The following CCBE1 variants were observed in gnomAD, a reference collection of about 807,000 sequenced individuals.
CCBE1 encodes the protein collagen and calcium binding EGF domains 1.
CCBE1 carries 37 observed loss-of-function variants against 50.0 expected under a neutral mutation model. The observed-to-expected ratio is 0.74, with a 90% CI of 0.57 to 0.97. CCBE1 has a LOEUF of 0.97. Among genes scored for constraint, CCBE1 ranks in the 50% least tolerant of loss-of-function variants. The pLI, the probability that CCBE1 is intolerant of heterozygous loss-of-function variation, is 0.00. For synonymous variants in CCBE1, 234 were observed against 203.7 expected, an observed-to-expected ratio of 1.15 and a Z score of -1.27; for missense variants, 538 against 523.8, an observed-to-expected ratio of 1.03 and a Z score of -0.26.
At chr18:59,568,051 G>A (rs116101833) in intron 2 of CCBE1, 2 of 152,150 alleles carry the variant, frequency 1.3e-5, no homozygotes, top group South Asian at 2.1e-4. Context: ...AGAGAACCAC[G>A]GTTAGGAGAA....
intron 2 of CCBE1, among the ~76,000 whole-genome samples, chr18:59,541,473 C>T (rs1265234582): frequency 6.6e-6 from 1 of 152,186 alleles, no homozygotes; most frequent in African/African-American, 2.4e-5. Flanking sequence ...TAAGGACAGG[C>T]ACTTCAAATA....
At chr18:59,514,296 A>G (rs746593734) in intron 2 of CCBE1, among the ~76,000 whole-genome samples, 21 of 152,168 alleles carry the variant, frequency 1.4e-4, no homozygotes, top group Non-Finnish European at 2.8e-4. Context: ...GTGGCGTTTA[A>G]TAAGTGCTGA....
rs192262609 is a variant in CCBE1, at chr18:59,655,098, A to G, written c.212+41531T>C. Among the ~76,000 whole-genome samples, 235 of 151,790 alleles carry G rather than the reference A, an allele frequency of 1.5e-3. 2 individuals carry two copies. The South Asian group carries it at 0.027, about 18-fold the overall frequency. On this transcript the variant is annotated intron_variant, in intron 2 of 10. Transcript: ENST00000439986. ...CTGAGACTATGTCAAAAAAAAAAAA[A>G]AAGCCCAGAGAAAACCTCAACAGCC...
At chr18:59,441,234 G>A (rs2143624832) in intron 7 of CCBE1, among the ~76,000 whole-genome samples, 1 of 152,344 alleles carries the variant, frequency 6.6e-6, no homozygotes, top group South Asian at 2.1e-4. Flanking sequence ...AAAGGGCTGG[G>A]CACAGTGGCT....
At chr18:59,676,158 G>C (rs2054499071) in intron 2 of CCBE1, among the ~76,000 whole-genome samples, 1 of 152,240 alleles carries the variant, frequency 6.6e-6, no homozygotes, top group South Asian at 2.1e-4. Flanking sequence ...ACAATTCCTA[G>C]CAAGTTCACC....
rs545349592 is a variant in CCBE1 at position 59,498,932 on chromosome 18, G to A, written c.213-18694C>T. On this transcript the variant is annotated intron_variant, in intron 2 of 10. Transcript: ENST00000439986. ...CTCCTGATAAACCCTAAGGCCAAGTGGCTCTCGGAATTTGGAGAGAACAGT... is the reference window on the plus strand; with the variant it reads ...CTCCTGATAAACCCTAAGGCCAAGTAGCTCTCGGAATTTGGAGAGAACAGT... 6.7e-4 allele frequency among the ~76,000 whole-genome samples: 102 copies of A among 152,260 alleles called. 1 individual carries two copies. The highest frequency in any genetic ancestry group is 2.1e-3 in the African/African-American group (89 of 41,546).
intron 2 of CCBE1, among the ~76,000 whole-genome samples, chr18:59,622,373 G>C (rs1326434946): frequency 6.6e-6 from 1 of 151,852 alleles, no homozygotes; most frequent in Non-Finnish European, 1.5e-5. Flanking sequence ...GCGGGTGCCT[G>C]TAATCTCGGG....
intron 2 of CCBE1, among the ~76,000 whole-genome samples, chr18:59,497,586 A>G (rs1913415288): frequency 6.6e-6 from 1 of 152,212 alleles, no homozygotes; most frequent in African/African-American, 2.4e-5. Context: ...AAGCATGCAG[A>G]GGCGCTGGTT....
Position 59,438,095 on chromosome 18 carries a change from A to T in CCBE1, c.987+16T>A. 6.2e-7 allele frequency: 1 copy of T among 1,613,896 alleles called. No homozygotes were observed. Among genetic ancestry groups the T allele is most frequent in the Non-Finnish European group, 8.5e-7 (1 of 1,179,852 alleles). On this transcript the variant is annotated intron_variant, in intron 10 of 10. Coordinates refer to ENST00000439986, the MANE Select transcript of CCBE1 (RefSeq NM_133459.4). ...GAACGTTCCCCTGGGGAAGCAGGAC[A>T]CAGAGTGCTACTTACTGGAGACCCT...
intron 2 of CCBE1, among the ~76,000 whole-genome samples, chr18:59,576,369 C>T (rs1333508347): frequency 1.3e-5 from 2 of 152,186 alleles, no homozygotes; most frequent in Non-Finnish European, 2.9e-5. Context: ...ATGGCTGTAC[C>T]ATTCAGATGG....
chr18:59,573,310 T>TGTGA (rs2052946140), intron 2 of CCBE1, among the ~76,000 whole-genome samples: 6 of 143,904 alleles, frequency 4.2e-5, no homozygotes, highest in South Asian at 4.5e-4. Context: ...TATGTATGTA[T>TGTGA]GTGATAGGCC....
At chr18:59,572,214 A>G (rs1216822823) in intron 2 of CCBE1, among the ~76,000 whole-genome samples, 3 of 152,210 alleles carry the variant, frequency 2.0e-5, no homozygotes, top group African/African-American at 4.8e-5. Flanking sequence ...GTCTTGCACT[A>G]TCAAATCAAT....
At chr18:59,514,824 T>G (rs1037592944) in intron 2 of CCBE1, among the ~76,000 whole-genome samples, 3 of 152,096 alleles carry the variant, frequency 2.0e-5, no homozygotes, top group African/African-American at 7.2e-5. Flanking sequence ...AGTTTTTTTT[T>G]GGCCACAATT....
intron 2 of CCBE1, among the ~76,000 whole-genome samples, chr18:59,485,798 G>A (rs924539816): frequency 6.6e-6 from 1 of 151,492 alleles, no homozygotes; most frequent in African/African-American, 2.4e-5. Context: ...ACAGGGTTTC[G>A]CCATGTTGGC....
intron 2 of CCBE1, among the ~76,000 whole-genome samples, chr18:59,495,704 A>G (rs1913323764): frequency 6.6e-6 from 1 of 151,960 alleles, no homozygotes. Context: ...AACACGTGGA[A>G]AAGGAAGATG....
chr18:59,564,439 G>C (rs918097364), intron 2 of CCBE1, among the ~76,000 whole-genome samples: 8 of 152,032 alleles, frequency 5.3e-5, no homozygotes, highest in Admixed American at 6.5e-5. Flanking sequence ...TCAGTACATA[G>C]AGCTGCATAT....
chr18:59,515,130 G>C (rs1425894197), intron 2 of CCBE1, among the ~76,000 whole-genome samples: 1 of 152,242 alleles, frequency 6.6e-6, no homozygotes, highest in Admixed American at 6.5e-5. Context: ...AAGAAGGGTA[G>C]GAAGAAAGAG....
In CCBE1 at chr18:59,602,993, G is replaced by A. The variant is rs538579758; in HGVS notation, c.212+93636C>T. Among the ~76,000 whole-genome samples, 9 of 152,240 alleles carry A rather than the reference G, an allele frequency of 5.9e-5. No individual in the cohort carries two copies. In the South Asian group the frequency reaches 1.0e-3, roughly 18 times the overall value. ...AAATGCAGTGACAATACCAACCTCC[G>A]AGGGCTGTCATGGAAACTAAAGGAG... On this transcript the variant is annotated intron_variant, in intron 2 of 10. Coordinates refer to ENST00000439986, the MANE Select transcript of CCBE1 (RefSeq NM_133459.4).
intron 10 of CCBE1, among the ~76,000 whole-genome samples, chr18:59,437,471 A>G (rs529127423): frequency 7.0e-4 from 107 of 152,358 alleles, no homozygotes; most frequent in African/African-American, 2.1e-3. Context: ...CCGTGGTCAG[A>G]AAGCCAGCAG....
Sources: allele counts gnomAD v4.1 joint callset (sites outside exome capture counted in the v4.1 genomes callset), GRCh38; gene constraint gnomAD v4.1.1; transcripts MANE v1.5; gene names NCBI Gene and HGNC (gene_info 2026-07-23, HGNC 2026-07-21).